The following TNKS variants were observed in gnomAD, a reference collection of about 807,000 sequenced individuals.
TNKS encodes poly [ADP-ribose] polymerase tankyrase-1.
A neutral mutation model predicts 135.8 loss-of-function variants in TNKS; 72 were observed. The observed-to-expected ratio is 0.53, with a 90% CI of 0.44 to 0.64. The LOEUF is 0.64. TNKS is among the 30% of genes least tolerant of loss of function. TNKS has a pLI of 0.00. For synonymous variants in TNKS, 849 were observed against 649.3 expected (o/e 1.31, Z -4.68); for missense variants, 1,769 against 1,674.0 (o/e 1.06, Z -0.99).
intron 3 of TNKS, among the ~76,000 whole-genome samples, chr8:9,659,533 C>G (rs1020129781): frequency 6.6e-6 from 1 of 152,082 alleles, no homozygotes; most frequent in South Asian, 2.1e-4. Flanking sequence ...TTCTTTGAAA[C>G]CAACGAGAAC....
At chr8:9,663,881 C>G (rs1315422004) in intron 3 of TNKS, among the ~76,000 whole-genome samples, 2 of 152,170 alleles carry the variant, frequency 1.3e-5, no homozygotes, top group African/African-American at 4.8e-5. Flanking sequence ...GTTCAGTAAC[C>G]CAGAAACACT....
chr8:9,635,368 A>T (rs1047350544), intron 3 of TNKS, among the ~76,000 whole-genome samples: 5 of 152,272 alleles, frequency 3.3e-5, no homozygotes, highest in African/African-American at 1.2e-4. Flanking sequence ...ACATGAACGA[A>T]TGGGGAGGGA....
rs199978883 is a variant in TNKS at position 9,752,550 on chromosome 8, G to T, written c.3077G>T (p.Gly1026Val). 237 of 1,611,382 alleles carry T rather than the reference G, an allele frequency of 1.5e-4. 1 individual carries two copies. In the East Asian group the frequency reaches 4.8e-3, roughly 33 times the overall value. Residue 1026 changes from glycine (G) to valine (V), a missense_variant, in exon 20 of 27, where the codon GGT becomes GTT. Coordinates refer to ENST00000310430, the MANE Select transcript of TNKS (RefSeq NM_003747.3). The stretch of plus-strand genomic sequence containing the variant: ...TAATATGTTTCTGTTTTAGTTGCTG[G>T]TCTTGACATGAATATCAGCCAATTT... ...GTERKEGEVA[G>V]LDMNISQFLK...
chr8:9,613,248 A>T (rs1264436110), intron 2 of TNKS, among the ~76,000 whole-genome samples: 3 of 152,190 alleles, frequency 2.0e-5, no homozygotes, highest in Non-Finnish European at 4.4e-5. Flanking sequence ...CAAAGCATGG[A>T]ATTAGTCGTC....
Position 9,561,808 on chromosome 8 carries a change from A to G in TNKS, c.673+5196A>G, listed in dbSNP as rs568227538. Among the ~76,000 whole-genome samples, 12 of 152,276 alleles carry G rather than the reference A, an allele frequency of 7.9e-5. 1 individual carries two copies. The highest frequency in any genetic ancestry group is 2.9e-4 in the African/African-American group (12 of 41,542). ...CCCCAAAGTATATGTACCATTTTAC[A>G]TTCCCATCAACGATTTTTGATGGTT... On this transcript the variant is annotated intron_variant, in intron 1 of 26. Coordinates refer to ENST00000310430, the MANE Select transcript of TNKS (RefSeq NM_003747.3).
At position 9,571,211 on chromosome 8, in the gene TNKS, G is replaced by T. The variant is rs187820436; in HGVS notation, c.674-8948G>T. On this transcript the variant is annotated intron_variant, in intron 1 of 26. Transcript: ENST00000310430. Reference sequence around the variant, plus strand: ...TATCAGCAGAATTTCAAGAATCCTTGTAGCCTTTTTTCCTTTTTGGCTGCC... The same window carrying T: ...TATCAGCAGAATTTCAAGAATCCTTTTAGCCTTTTTTCCTTTTTGGCTGCC... 4.1e-4 allele frequency among the ~76,000 whole-genome samples: 62 copies of T among 152,212 alleles called. No individual in the cohort carries two copies. The East Asian group carries it at 0.011, about 27-fold the overall frequency.
intron 3 of TNKS, among the ~76,000 whole-genome samples, chr8:9,640,629 T>C (rs931674628): frequency 6.8e-6 from 1 of 146,080 alleles, no homozygotes; most frequent in Non-Finnish European, 1.5e-5. Flanking sequence ...AAGAGTACTC[T>C]GAAGACAGGT....
intron 26 of TNKS, among the ~76,000 whole-genome samples, chr8:9,771,198 T>G (rs1306293941): frequency 5.3e-3 from 421 of 79,440 alleles, no homozygotes; most frequent in Admixed American, 8.9e-3. Context: ...AGGAAGGAAG[T>G]GAGGGAGGAA....
chr8:9,587,892 C>T (rs1342347880), intron 2 of TNKS, among the ~76,000 whole-genome samples: 20 of 152,128 alleles, frequency 1.3e-4, no homozygotes, highest in Admixed American at 1.3e-3. Context: ...TTGAGCATCT[C>T]CTGAAAAGAG....
intron 2 of TNKS, among the ~76,000 whole-genome samples, chr8:9,608,193 A>G (rs1799309676): frequency 6.6e-6 from 1 of 152,126 alleles, no homozygotes. Context: ...CTTCCACCTC[A>G]GCCTCCCAAA....
At chr8:9,707,708 G>C (rs1804114386) in intron 8 of TNKS, among the ~76,000 whole-genome samples, 2 of 152,154 alleles carry the variant, frequency 1.3e-5, no homozygotes, top group East Asian at 1.9e-4. Flanking sequence ...TTTAGATACA[G>C]CTTTTCAAAA....
chr8:9,614,567 A>G (rs556104158), intron 2 of TNKS, among the ~76,000 whole-genome samples: 1 of 152,314 alleles, frequency 6.6e-6, no homozygotes, highest in South Asian at 2.1e-4. Flanking sequence ...ATGTGTGAGT[A>G]TTACCTTCCA....
intron 3 of TNKS, among the ~76,000 whole-genome samples, chr8:9,630,717 C>T (rs780122010): frequency 6.6e-6 from 1 of 152,290 alleles, no homozygotes; most frequent in South Asian, 2.1e-4. Flanking sequence ...CAGAGAATCA[C>T]TTGTTTGCAG....
chr8:9,770,891 G>T (rs1249219592), intron 26 of TNKS, among the ~76,000 whole-genome samples: 1 of 152,084 alleles, frequency 6.6e-6, no homozygotes, highest in African/African-American at 2.4e-5. Context: ...CATATTATAG[G>T]ATTGAGCACA....
At chr8:9,574,323 A>G (rs1442319672) in intron 1 of TNKS, among the ~76,000 whole-genome samples, 4 of 152,144 alleles carry the variant, frequency 2.6e-5, no homozygotes, top group South Asian at 4.1e-4. Flanking sequence ...TGGCGCCTCT[A>G]AAAATAGAGT....
chr8:9,627,025 C>T (rs540339964), intron 3 of TNKS, among the ~76,000 whole-genome samples: 25 of 152,110 alleles, frequency 1.6e-4, no homozygotes, highest in African/African-American at 6.0e-4. Flanking sequence ...GACTTTCAGC[C>T]CAACCACTGA....
At chr8:9,591,117 G>A (rs901894927) in intron 2 of TNKS, among the ~76,000 whole-genome samples, 1 of 152,154 alleles carries the variant, frequency 6.6e-6, no homozygotes, top group Non-Finnish European at 1.5e-5. Flanking sequence ...TTTGCATGTG[G>A]CTATCCAGTT....
Position 9,751,711 on chromosome 8 carries a change from C to G in TNKS, c.2935C>G (p.Pro979Ala), listed in dbSNP as rs199621641. 6.2e-7 allele frequency: 1 copy of G among 1,614,184 alleles called. No homozygotes were observed. The change falls in exon 19 of 27, where the codon CCA becomes GCA. Residue 979 changes from proline to alanine, a missense_variant. Physicochemically the swap from Pro to Ala is conservative, Grantham distance 27 (BLOSUM62 -1). This residue lies in a region of TNKS where 722 missense variants were observed against 688.9 expected (regional missense o/e 1.05). Transcript: ENST00000310430. ...TGTAGTGAGTGCCTCTCTGATCTCA[C>G]CAGCATCCACCCCCTCCTGCCTCTC... ...ATVVSASLIS[P>A]ASTPSCLSAA...
chr8:9,759,923 C>T (rs1199198635), intron 20 of TNKS, among the ~76,000 whole-genome samples: 5 of 151,374 alleles, frequency 3.3e-5, no homozygotes, highest in Non-Finnish European at 7.4e-5. Flanking sequence ...TGCAGTGAGC[C>T]GCTGAGATCG....
Sources: allele counts gnomAD v4.1 joint callset (sites outside exome capture counted in the v4.1 genomes callset), GRCh38; gene constraint gnomAD v4.1.1; regional missense constraint gnomAD v4.1.1; transcripts MANE v1.5; gene names NCBI Gene and HGNC (gene_info 2026-07-23, HGNC 2026-07-21).